Variants in PPP1R14C observed in about 807,000 individuals in gnomAD.
The protein encoded by PPP1R14C is protein phosphatase 1 regulatory inhibitor subunit 14C, also known as protein phosphatase 1 regulatory subunit 14C.
A neutral mutation model predicts 20.4 loss-of-function variants in PPP1R14C; 16 were observed. The ratio of observed to expected loss-of-function variants is 0.78; its 90% CI spans 0.53 to 1.19. The LOEUF (loss-of-function observed/expected upper bound fraction) is 1.19. Ranked by LOEUF, PPP1R14C falls within the 50% of genes most tolerant of loss-of-function variation. The probability of loss-of-function intolerance (pLI) is 0.00; values close to 1 mark genes in which losing one functional copy is unlikely to be tolerated. For missense variants in PPP1R14C, 211 were observed against 220.1 expected (o/e 0.96, Z 0.26); for synonymous variants, 91 against 91.0 (o/e 1.00, Z 0.00).
At chr6:150,215,265 T>C (rs1778075470) in intron 2 of PPP1R14C, among the ~76,000 whole-genome samples, 1 of 152,228 alleles carries the variant, frequency 6.6e-6, no homozygotes, top group Non-Finnish European at 1.5e-5. Context: ...GCTTATGACA[T>C]AATTCTATTT....
At chr6:150,231,635 G>A (rs1263707050) in intron 3 of PPP1R14C, among the ~76,000 whole-genome samples, 1 of 152,182 alleles carries the variant, frequency 6.6e-6, no homozygotes, top group East Asian at 1.9e-4. Flanking sequence ...CACTCACTAT[G>A]CTAGGAAGAC....
At position 150,185,976 on chromosome 6, in the gene PPP1R14C, A is replaced by C. The variant is rs942823638; in HGVS notation, c.307-28768A>C. On this transcript the variant is annotated intron_variant, in intron 1 of 3. Coordinates refer to ENST00000361131, the MANE Select transcript of PPP1R14C (RefSeq NM_030949.3). The surrounding 1 kb of genome is among the most constrained non-coding windows in gnomAD (Gnocchi z 4.1). ...ACATCAGAGTTCACTGGGCAAAGCA[A>C]GTCCCTTAGTCACACCCAACTTCAG... 3.3e-5 allele frequency among the ~76,000 whole-genome samples: 5 copies of C among 152,142 alleles called. No individual in the cohort carries two copies. The highest frequency in any genetic ancestry group is 9.7e-5 in the African/African-American group (4 of 41,434).
rs748281757 is a variant in PPP1R14C at position 150,249,402 on chromosome 6, G to A, written c.*582G>A. 44 of 398,616 alleles carry A rather than the reference G, an allele frequency of 1.1e-4. No homozygotes were observed. Among genetic ancestry groups the A allele is most frequent in the Non-Finnish European group, 1.8e-4 (40 of 226,076 alleles). The allele number at this position is 398,616 out of a possible 1,614,324, so 24.7% of individuals were successfully genotyped here. A position where few individuals can be genotyped will look rare whatever the true frequency, so the allele number is the denominator to read the frequency against. On this transcript the variant is annotated 3_prime_UTR_variant, in exon 4 of 4. Coordinates refer to ENST00000361131, the MANE Select transcript of PPP1R14C (RefSeq NM_030949.3). ...TTCACTGAGTGCTGCTGACTTCAAC[G>A]TTCACTTTATGCACCAAAGTGAAAG...
intron 1 of PPP1R14C, among the ~76,000 whole-genome samples, chr6:150,162,364 C>T (rs1445863039): frequency 1.3e-5 from 2 of 152,016 alleles, no homozygotes; most frequent in Non-Finnish European, 2.9e-5. Flanking sequence ...CAACCTCTGC[C>T]ATTTCTTCCT....
At chr6:150,146,021 GT>G (rs1777176903) in intron 1 of PPP1R14C, among the ~76,000 whole-genome samples, 2 of 152,212 alleles carry the variant, frequency 1.3e-5, no homozygotes, top group Non-Finnish European at 2.9e-5. Flanking sequence ...CTTTCTGTCT[GT>G]GTTTTTTTCT....
chr6:150,220,102 A>C (rs6557374), intron 3 of PPP1R14C, among the ~76,000 whole-genome samples: 1 of 151,996 alleles, frequency 6.6e-6, no homozygotes, highest in South Asian at 2.1e-4. Flanking sequence ...TGATCCACCC[A>C]CCTTGGCCTT....
At chr6:150,245,063 T>A (rs1778475653) in intron 3 of PPP1R14C, among the ~76,000 whole-genome samples, 2 of 152,170 alleles carry the variant, frequency 1.3e-5, no homozygotes, top group Non-Finnish European at 2.9e-5. Flanking sequence ...AATGGCACTA[T>A]CTTTTCCTCC....
chr6:150,176,339 G>A (rs1009193452), intron 1 of PPP1R14C, among the ~76,000 whole-genome samples: 5 of 152,222 alleles, frequency 3.3e-5, no homozygotes, highest in African/African-American at 1.2e-4. Context: ...TGGAGGCGGG[G>A]TGCCCGTGGT....
intron 3 of PPP1R14C, among the ~76,000 whole-genome samples, chr6:150,245,260 G>A (rs1487176012): frequency 6.6e-6 from 1 of 152,138 alleles, no homozygotes; most frequent in Non-Finnish European, 1.5e-5. Context: ...TCTCTTGCCT[G>A]GAGTACTGCT....
In PPP1R14C at chr6:150,234,848, C is replaced by CAAAAAAAAAAAAA. The variant is rs56139981; in HGVS notation, c.424-13882_424-13870dup. Among the ~76,000 whole-genome samples the CAAAAAAAAAAAAA allele has an allele frequency of 1.7e-4, 7 of 41,834 alleles. 1 individual carries two copies. Among genetic ancestry groups the CAAAAAAAAAAAAA allele is most frequent in the East Asian group, 7.9e-4 (1 of 1,270 alleles). The allele number at this position is 41,834 out of a possible 152,430, so 27.4% of individuals were successfully genotyped here. On this transcript the variant is annotated intron_variant, in intron 3 of 3. Coordinates refer to ENST00000361131, the MANE Select transcript of PPP1R14C (RefSeq NM_030949.3). ...TGGGCGACAAAGTGAGACTCTGTCT[C>CAAAAAAAAAAAAA]AAAAAAAAAAAAAAAAAAAAAAAAA...
chr6:150,205,478 C>T (rs1028116752), intron 1 of PPP1R14C, among the ~76,000 whole-genome samples: 1 of 152,158 alleles, frequency 6.6e-6, no homozygotes, highest in East Asian at 1.9e-4. Context: ...TACCAGTTTG[C>T]TCTCTGAGGT....
chr6:150,197,675 G>A (rs111689577), intron 1 of PPP1R14C, among the ~76,000 whole-genome samples: 4 of 152,104 alleles, frequency 2.6e-5, no homozygotes, highest in African/African-American at 7.2e-5. Context: ...GTCCCTGCCC[G>A]CCACGGTGGA....
intron 1 of PPP1R14C, among the ~76,000 whole-genome samples, chr6:150,167,991 TTCC>T (rs1777448237): frequency 3.7e-5 from 3 of 80,034 alleles, no homozygotes; most frequent in African/African-American, 1.1e-4. Flanking sequence ...TCCTCCCCTC[TTCC>T]TCTCCCCCTT....
chr6:150,160,794 G>A (rs1053515947), intron 1 of PPP1R14C, among the ~76,000 whole-genome samples: 7 of 152,066 alleles, frequency 4.6e-5, no homozygotes, highest in African/African-American at 1.4e-4. Flanking sequence ...TTTGGCTATT[G>A]CGAGCTGTTT....
At chr6:150,183,409 A>G (rs1432923123) in intron 1 of PPP1R14C, among the ~76,000 whole-genome samples, 3 of 152,230 alleles carry the variant, frequency 2.0e-5, no homozygotes, top group Non-Finnish European at 4.4e-5. Context: ...CTTCAGGGAA[A>G]TTCAGTGTTC....
At chr6:150,170,859 CTTA>C (rs1777490766) in intron 1 of PPP1R14C, among the ~76,000 whole-genome samples, 1 of 147,500 alleles carries the variant, frequency 6.8e-6, no homozygotes. Context: ...GTGATATGGT[CTTA>C]TTATTTTTTA....
chr6:150,188,943 C>CT (rs1372653253), intron 1 of PPP1R14C, among the ~76,000 whole-genome samples: 1 of 151,980 alleles, frequency 6.6e-6, no homozygotes, highest in African/African-American at 2.4e-5. Context: ...ACTGCAACCT[C>CT]TGCCTCCCAG....
chr6:150,196,579 C>T (rs1777807421), intron 1 of PPP1R14C, among the ~76,000 whole-genome samples: 2 of 152,118 alleles, frequency 1.3e-5, no homozygotes, highest in South Asian at 4.1e-4. Flanking sequence ...CCATTTAACA[C>T]CTCTTTCTGG....
At chr6:150,248,228 A>C (rs1400732855) in intron 3 of PPP1R14C, among the ~76,000 whole-genome samples, 2 of 152,104 alleles carry the variant, frequency 1.3e-5, no homozygotes, top group Non-Finnish European at 2.9e-5. Context: ...CAATACATGA[A>C]ATTTGGAGGA....
Sources: gnomAD v4.1 joint callset for allele counts (sites outside exome capture counted in the v4.1 genomes callset) on GRCh38, gnomAD v4.1.1 for gene constraint, Gnocchi (gnomAD v3.1) non-coding constraint, MANE v1.5 for transcripts, NCBI Gene and HGNC (gene_info 2026-07-23, HGNC 2026-07-21) for gene names.